GAPDHS: variants seen among roughly 807,000 people sequenced by gnomAD.
GAPDHS encodes glyceraldehyde-3-phosphate dehydrogenase, spermatogenic, also known as glyceraldehyde-3-phosphate dehydrogenase, testis-specific.
GAPDHS carries 42 observed loss-of-function variants against 48.7 expected under a neutral mutation model. That is an observed-to-expected ratio of 0.86 (90% CI 0.67 to 1.12). GAPDHS has a LOEUF of 1.12. Ranked by LOEUF, GAPDHS falls within the 50% of genes most tolerant of loss-of-function variation. GAPDHS has a pLI of 0.00. For synonymous variants in GAPDHS, 166 were observed against 219.1 expected (o/e 0.76, Z 2.14); for missense variants, 512 against 557.7 (o/e 0.92, Z 0.82).
At chr19:35,539,108 G>A (rs2071484603) in intron 4 of GAPDHS, among the ~76,000 whole-genome samples, 1 of 152,128 alleles carries the variant, frequency 6.6e-6, no homozygotes, top group Admixed American at 6.5e-5. Context: ...TCTGGCCCAG[G>A]CTGGTCTCAA....
chr19:35,536,808 C>T lies in GAPDHS; in HGVS notation c.68-5C>T, dbSNP rs73928223. 8,463 of 1,599,478 alleles carry T rather than the reference C, an allele frequency of 5.3e-3. 375 individuals carry two copies. The African/African-American group carries it at 0.1, about 19-fold the overall frequency. ...GCAACCCATTCCCTCCCTTCCCCCG[C>T]ATAGTGACCAGAGCACCGCCCCCAC... is the stretch of plus-strand genomic sequence containing the variant. On this transcript the variant is annotated splice_region_variant and splice_polypyrimidine_tract_variant and intron_variant, in intron 1 of 10. Transcript: ENST00000222286.
At position 35,545,296 on chromosome 19, in the gene GAPDHS, G is replaced by A. The variant is rs1273996258; in HGVS notation, c.*126G>A. On this transcript the variant is annotated 3_prime_UTR_variant, in exon 11 of 11. Transcript: ENST00000222286. The stretch of plus-strand genomic sequence containing the variant: ...GGCGCCCCACGCCGATGGGTCCATG[G>A]TGAAATAAAAAACAGTGCTCACGGC... 2.7e-5 allele frequency: 21 copies of A among 776,204 alleles called. No individual in the cohort carries two copies. In the East Asian group the frequency reaches 5.5e-4, roughly 20 times the overall value. The allele number at this position is 776,204 out of a possible 1,614,324, so 48.1% of individuals were successfully genotyped here. A position where few individuals can be genotyped will look rare whatever the true frequency, so the allele number is the denominator to read the frequency against.
At chr19:35,543,610 A>G in intron 8 of GAPDHS, 55 bp from the exon 9 acceptor site, 1 of 1,594,632 alleles carries the variant, frequency 6.3e-7, no homozygotes, top group Non-Finnish European at 8.6e-7. Flanking sequence ...GAAAGGGGGA[A>G]TGGAGGGCAA....
In GAPDHS at chr19:35,543,492, G is replaced by A. The variant is rs1451261295; in HGVS notation, c.893+1G>A. On this transcript the variant is annotated splice_donor_variant, in intron 8 of 10. Transcript: ENST00000222286. LOFTEE classifies it high-confidence loss of function. Reference sequence around the variant, plus strand: ...CCAAAGTCATCCCAGAGCTCAAAGGGTATGAGGACAAGAAGCTGCAACCAG... The same window carrying A: ...CCAAAGTCATCCCAGAGCTCAAAGGATATGAGGACAAGAAGCTGCAACCAG... 1.2e-6 allele frequency: 2 copies of A among 1,600,264 alleles called. No individual in the cohort carries two copies. Among genetic ancestry groups the A allele is most frequent in the African/African-American group, 1.4e-5 (1 of 73,910 alleles).
At chr19:35,543,615 G>A (rs369864838) in intron 8 of GAPDHS, 50 bp from the exon 9 acceptor site, 2 of 1,596,828 alleles carry the variant, frequency 1.3e-6, no homozygotes, top group Admixed American at 1.7e-5. Context: ...GGGGAATGGA[G>A]GGCAACGTCC....
rs764691298 is a variant in GAPDHS at position 35,544,911 on chromosome 19, C to G, written c.1059C>G (p.Val353=). 1 of 1,604,282 alleles carries G rather than the reference C, an allele frequency of 6.2e-7. No homozygotes were observed. The highest frequency in any genetic ancestry group is 1.3e-5 in the African/African-American group (1 of 74,724). Residue 353 remains valine, a splice_region_variant and synonymous_variant, in exon 10 of 11, where the codon GTC becomes GTG. Transcript: ENST00000222286. Reference sequence around the variant, plus strand: ...ATCTTTGAAATTCTGACTTCCAGGTCGTCTCTACGGACTTCCTCGGTGATA... The same window carrying G: ...ATCTTTGAAATTCTGACTTCCAGGTGGTCTCTACGGACTTCCTCGGTGATA... The part of the protein sequence containing the change: ...AGILAYTEDE[V]VSTDFLGDTH...
chr19:35,533,910 AGGGGCTTAGGG>A (rs780072247), intron 1 of GAPDHS, among the ~76,000 whole-genome samples: 1 of 152,126 alleles, frequency 6.6e-6, no homozygotes, highest in Non-Finnish European at 1.5e-5. Context: ...CGGGCTTAGG[AGGGGCTTAGGG>A]AGAACCCAGG....
At chr19:35,537,658 T>A (rs974160280) in intron 2 of GAPDHS, among the ~76,000 whole-genome samples, 1 of 152,116 alleles carries the variant, frequency 6.6e-6, no homozygotes, top group Non-Finnish European at 1.5e-5. Context: ...GGTAGGAGAA[T>A]CCTTTGAGAC....
chr19:35,535,110 A>C (rs1402225614), intron 1 of GAPDHS, among the ~76,000 whole-genome samples: 2 of 152,198 alleles, frequency 1.3e-5, no homozygotes, highest in African/African-American at 4.8e-5. Flanking sequence ...ACAGAGCAGC[A>C]GGTCTGTGTG....
rs772181229 is a variant in GAPDHS at position 35,536,767 on chromosome 19, T to C, written c.68-46T>C. On this transcript the variant is annotated intron_variant, in intron 1 of 10. Transcript: ENST00000222286. ...GGCAGCAAAGACAGTTTGTTCTCTT[T>C]CACTTTGGTGGTCATGCAACCCATT... The C allele has an allele frequency of 5.4e-6, 8 of 1,486,186 alleles. No homozygotes were observed. The South Asian group carries it at 9.7e-5, about 18-fold the overall frequency. 92.1% of individuals were successfully genotyped at this position (1,486,186 alleles called of 1,614,324 possible).
chr19:35,542,656 T>G, intron 6 of GAPDHS, 48 bp downstream of exon 6: 2 of 1,241,842 alleles, frequency 1.6e-6, no homozygotes, highest in Non-Finnish European at 2.4e-6. Context: ...GAGGGTAGAC[T>G]CGTCCTCCCC....
At chr19:35,540,960 A>G (rs1195680875) in intron 4 of GAPDHS, 1 of 152,010 alleles carries the variant, frequency 6.6e-6, no homozygotes, top group Admixed American at 6.6e-5. Flanking sequence ...AAACCCCGTC[A>G]CCACTAAAAA....
Position 35,536,858 on chromosome 19 carries a change from C to T in GAPDHS, c.113C>T (p.Pro38Leu). The change falls in exon 2 of 11, where the codon CCC becomes CTC. Residue 38 changes from proline (P) to leucine (L), a missense_variant. Physicochemically the swap from Pro to Leu is moderately conservative, Grantham distance 98 (BLOSUM62 -3). Transcript: ENST00000222286. Reference sequence around the variant, plus strand: ...CCTGAGCCTAAGGCTGAAGTAGAGCCCCAGCCACAACCAGAGCCCACACCA... The same window carrying T: ...CCTGAGCCTAAGGCTGAAGTAGAGCTCCAGCCACAACCAGAGCCCACACCA... Reference protein sequence around the residue: ...PPPEPKAEVEPQPQPEPTPVR... With the variant: ...PPPEPKAEVELQPQPEPTPVR... 6.2e-7 allele frequency: 1 copy of T among 1,613,940 alleles called. No individual in the cohort carries two copies. The highest frequency in any genetic ancestry group is 1.7e-5 in the Admixed American group (1 of 60,018).
At chr19:35,535,274 G>A (rs2146292135) in intron 1 of GAPDHS, among the ~76,000 whole-genome samples, 1 of 152,232 alleles carries the variant, frequency 6.6e-6, no homozygotes, top group East Asian at 1.9e-4. Context: ...GAGCAGGAGT[G>A]TGTGTGGAGA....
At chr19:35,537,024 C>G in intron 2 of GAPDHS, 34 bp downstream of exon 2, 3 of 1,537,782 alleles carry the variant, frequency 2.0e-6, no homozygotes, top group Non-Finnish European at 2.7e-6. Context: ...CAGTCTGAAG[C>G]CTTAGAGCCC....
intron 4 of GAPDHS, chr19:35,541,835 G>T (rs893294114): frequency 6.4e-6 from 1 of 156,906 alleles, no homozygotes; most frequent in Non-Finnish European, 1.4e-5. Context: ...CTTTAATGCA[G>T]TGTCTGTTTT....
Position 35,538,574 on chromosome 19 carries a change from C to T in GAPDHS, c.343-3C>T, listed in dbSNP as rs747309065. Reference sequence around the variant, plus strand: ...AGACTAGGAGCCATTCCATCCCCCACAGGTGTACATGTTTAAGTATGACTC... The same window carrying T: ...AGACTAGGAGCCATTCCATCCCCCATAGGTGTACATGTTTAAGTATGACTC... On this transcript the variant is annotated splice_polypyrimidine_tract_variant and splice_region_variant and intron_variant, in intron 3 of 10. Transcript: ENST00000222286. 4.4e-6 allele frequency: 7 copies of T among 1,573,116 alleles called. No homozygotes were observed. The Admixed American group carries it at 1.2e-4, about 26-fold the overall frequency.
chr19:35,542,953 C>G lies in GAPDHS; in HGVS notation c.668C>G (p.Ser223Cys). 6.2e-7 allele frequency: 1 copy of G among 1,613,924 alleles called. No individual in the cohort carries two copies. The highest frequency in any genetic ancestry group is 8.5e-7 in the Non-Finnish European group (1 of 1,179,762). ...PGSMNIVSNASCTTNCLAPLA... is the reference protein window; with the variant it reads ...PGSMNIVSNACCTTNCLAPLA... ...CACCTTGGCTGTTTCAGCAACGCGTCCTGCACCACCAACTGTTTGGCTCCC... is the reference window on the plus strand; with the variant it reads ...CACCTTGGCTGTTTCAGCAACGCGTGCTGCACCACCAACTGTTTGGCTCCC... The change falls in exon 7 of 11, where the codon TCC becomes TGC. Residue 223 changes from serine to cysteine, a missense_variant. By Grantham distance (112) the Ser-to-Cys change is moderately radical. Transcript: ENST00000222286.
At position 35,545,066 on chromosome 19, in the gene GAPDHS, C is replaced by T. The variant is rs760991031; in HGVS notation, c.1155-32C>T. The T allele has an allele frequency of 3.1e-6, 5 of 1,608,022 alleles. No homozygotes were observed. In the South Asian group the frequency reaches 5.5e-5, roughly 18 times the overall value. ...GGAACTAAGGGGTGGTCGGAAGGAA[C>T]CCCCTTGAACCTCCCGACCCCTCCT... On this transcript the variant is annotated intron_variant, in intron 10 of 10. Coordinates refer to ENST00000222286, the MANE Select transcript of GAPDHS (RefSeq NM_014364.5).
Sources: gnomAD v4.1 joint callset for allele counts (sites outside exome capture counted in the v4.1 genomes callset) on GRCh38, gnomAD v4.1.1 for gene constraint, MANE v1.5 for transcripts, NCBI Gene and HGNC (gene_info 2026-07-23, HGNC 2026-07-21) for gene names.